NT5C3A: variants seen among roughly 807,000 people sequenced by gnomAD.
NT5C3A encodes 5'-nucleotidase, cytosolic IIIA.
A neutral mutation model predicts 40.0 loss-of-function variants in NT5C3A; 23 were observed. That is an observed-to-expected ratio of 0.58 (90% confidence interval 0.41 to 0.81). The LOEUF (loss-of-function observed/expected upper bound fraction) is 0.81, where lower values mean the gene tolerates loss of function less well. NT5C3A is among the 40% of genes least tolerant of loss of function. The pLI, the probability that NT5C3A is intolerant of heterozygous loss-of-function variation, is 0.00. For synonymous variants in NT5C3A, 130 were observed against 141.4 expected (o/e 0.92, Z 0.57); for missense variants, 328 against 403.0 (o/e 0.81, Z 1.59).
At chr7:33,053,232 A>T (rs1787442168) in intron 1 of NT5C3A, among the ~76,000 whole-genome samples, 1 of 152,034 alleles carries the variant, frequency 6.6e-6, no homozygotes, top group Non-Finnish European at 1.5e-5. Flanking sequence ...TGTTGCCCAG[A>T]GCTGGAGTGC....
chr7:33,039,206 G>A (rs1786775408), intron 1 of NT5C3A, among the ~76,000 whole-genome samples: 1 of 151,936 alleles, frequency 6.6e-6, no homozygotes, highest in Admixed American at 6.6e-5. Flanking sequence ...AAAATTGATT[G>A]GTATGTCTAC....
chr7:33,018,035 A>G (rs889128889), intron 6 of NT5C3A, among the ~76,000 whole-genome samples: 93 of 152,280 alleles, frequency 6.1e-4, no homozygotes, highest in Middle Eastern at 6.8e-3. Context: ...TTAAAAAGAG[A>G]AAACAATAGT....
chr7:33,017,528 C>G lies in NT5C3A; in HGVS notation c.604G>C (p.Gly202Arg), dbSNP rs753603329. Residue 202 changes from glycine (G) to arginine (R), a missense_variant, in exon 7 of 9, where the codon GGC becomes CGC. Physicochemically the swap from Gly to Arg is moderately radical, Grantham distance 125. Coordinates refer to ENST00000610140, the MANE Select transcript of NT5C3A (RefSeq NM_001002010.5). ...CGAATAACTTCCTCTAGTACATCGC[C>G]GATTCCAGCCGAAAATATGAACACG... ...IPVFIFSAGI[G>R]DVLEEVIRQA... 2 of 1,613,452 alleles carry G rather than the reference C, an allele frequency of 1.2e-6. No individual in the cohort carries two copies. The highest frequency in any genetic ancestry group is 2.7e-5 in the African/African-American group (2 of 74,892).
chr7:33,027,934 T>C (rs1261150918), intron 1 of NT5C3A, among the ~76,000 whole-genome samples: 1 of 152,230 alleles, frequency 6.6e-6, no homozygotes, highest in Admixed American at 6.5e-5. Flanking sequence ...CTTGCCTACA[T>C]ATTTATATTT....
intron 1 of NT5C3A, among the ~76,000 whole-genome samples, chr7:33,060,531 C>T (rs1013055101): frequency 6.6e-6 from 1 of 152,130 alleles, no homozygotes; most frequent in African/African-American, 2.4e-5. Flanking sequence ...GCATACACAA[C>T]CCACTAGCAA....
chr7:33,031,852 C>T (rs759000353), intron 1 of NT5C3A, among the ~76,000 whole-genome samples: 7 of 151,780 alleles, frequency 4.6e-5, no homozygotes, highest in African/African-American at 7.3e-5. Flanking sequence ...TGGCCGGGCA[C>T]GGTGGCTGAC....
rs570102104 is a variant in NT5C3A, at chr7:33,053,564, G to T, written c.138+9004C>A. ...TAATCCCAGCTACTTGGGAGGCTGAGGGGGGAAGACGGTTTGAGCCCAGGA... is the reference window on the plus strand; with the variant it reads ...TAATCCCAGCTACTTGGGAGGCTGATGGGGGAAGACGGTTTGAGCCCAGGA... On this transcript the variant is annotated intron_variant, in intron 1 of 8. Transcript: ENST00000610140. 2.2e-3 allele frequency among the ~76,000 whole-genome samples: 27 copies of T among 12,386 alleles called. No individual in the cohort carries two copies. The Admixed American group carries it at 0.024, about 11-fold the overall frequency. The allele number at this position is 12,386 out of a possible 152,430, so 8.1% of individuals were successfully genotyped here. A position where few individuals can be genotyped will look rare whatever the true frequency, so the allele number is the denominator to read the frequency against.
chr7:33,021,335 T>G lies in NT5C3A; in HGVS notation c.377A>C (p.Tyr126Ser). 8 of 1,611,270 alleles carry G rather than the reference T, an allele frequency of 5.0e-6. No homozygotes were observed. The highest frequency in any genetic ancestry group is 6.8e-6 in the Non-Finnish European group (8 of 1,178,148). The change falls in exon 5 of 9, where the codon TAT (tyrosine) becomes TCT (serine). Residue 126 changes from tyrosine to serine, a missense_variant. By Grantham distance (144) the Tyr-to-Ser change is moderately radical (BLOSUM62 -2). Coordinates refer to ENST00000610140, the MANE Select transcript of NT5C3A (RefSeq NM_001002010.5). Reference sequence around the variant, plus strand: ...AACAGGATCAACTTCAATAGCGTAATATTTTTCCTTTAGTTGCAATAACTA... The same window carrying G: ...AACAGGATCAACTTCAATAGCGTAAGATTTTTCCTTTAGTTGCAATAACTA... The part of the protein sequence containing the change: ...RKKLLQLKEK[Y>S]YAIEVDPVLT...
rs192956192 is a variant in NT5C3A at position 33,057,054 on chromosome 7, C to A, written c.138+5514G>T. On this transcript the variant is annotated intron_variant, in intron 1 of 8. Coordinates refer to ENST00000610140, the MANE Select transcript of NT5C3A (RefSeq NM_001002010.5). ...TCTCGAACTCCCAACCTCAGGTGAT[C>A]CGCCCGCCTTGGCCTCCCAAAGTGC... is the stretch of plus-strand genomic sequence containing the variant. Among the ~76,000 whole-genome samples the A allele has an allele frequency of 2.2e-3, 338 of 152,220 alleles. 1 individual carries two copies. Among genetic ancestry groups the A allele is most frequent in the African/African-American group, 7.8e-3 (323 of 41,544 alleles).
At chr7:33,029,513 A>G in intron 1 of NT5C3A, 1 of 486,836 alleles carries the variant, frequency 2.1e-6, no homozygotes, top group South Asian at 1.7e-5. Flanking sequence ...CAATCAGCAT[A>G]TGTTTGATTC....
intron 1 of NT5C3A, among the ~76,000 whole-genome samples, chr7:33,053,280 C>T (rs1209177568): frequency 6.6e-6 from 1 of 152,032 alleles, no homozygotes; most frequent in Non-Finnish European, 1.5e-5. Context: ...CTCTGCCTCC[C>T]GGGTTCAAGT....
chr7:33,039,158 G>A (rs1427471335), intron 1 of NT5C3A, among the ~76,000 whole-genome samples: 1 of 151,998 alleles, frequency 6.6e-6, no homozygotes, highest in African/African-American at 2.4e-5. Context: ...AGTTATCACA[G>A]TATTTCATTC....
chr7:33,034,441 T>TA (rs760901918), intron 1 of NT5C3A, among the ~76,000 whole-genome samples: 12 of 150,698 alleles, frequency 8.0e-5, no homozygotes, highest in Admixed American at 2.6e-4. Context: ...TCACGTAAGT[T>TA]AAAAAAAAAG....
At chr7:33,024,982 A>G (rs1022155210) in intron 2 of NT5C3A, among the ~76,000 whole-genome samples, 3 of 152,012 alleles carry the variant, frequency 2.0e-5, no homozygotes, top group African/African-American at 7.3e-5. Flanking sequence ...TCTACTAAAA[A>G]TACAAAAATA....
rs1412157350 is a variant in NT5C3A at position 33,024,219 on chromosome 7, T to TG, written c.238-112_238-111insC. ...CTTTCCTAGATGCATAGGACTGTGC[T>TG]CAAGTCTCTGGTCCACACTGTTAAC... On this transcript the variant is annotated intron_variant, in intron 2 of 8. Transcript: ENST00000610140. 9 of 710,048 alleles carry TG rather than the reference T, an allele frequency of 1.3e-5. No homozygotes were observed. In the African/African-American group the frequency reaches 1.4e-4, roughly 11 times the overall value. 44.0% of individuals were successfully genotyped at this position (710,048 alleles called of 1,614,324 possible).
chr7:33,041,797 G>A (rs1017294173), intron 1 of NT5C3A, among the ~76,000 whole-genome samples: 10 of 152,074 alleles, frequency 6.6e-5, no homozygotes, highest in Non-Finnish European at 1.3e-4. Flanking sequence ...TAGTAGGGTG[G>A]CAATATGCTA....
At chr7:33,024,708 TC>T (rs1326679843) in intron 2 of NT5C3A, among the ~76,000 whole-genome samples, 1 of 152,076 alleles carries the variant, frequency 6.6e-6, no homozygotes, top group African/African-American at 2.4e-5. Flanking sequence ...TTTAGAATGT[TC>T]CCAAAACAAA....
intron 1 of NT5C3A, among the ~76,000 whole-genome samples, chr7:33,044,562 G>A (rs899925130): frequency 2.6e-5 from 4 of 152,048 alleles, no homozygotes; most frequent in African/African-American, 7.3e-5. Context: ...CACTCCTAGC[G>A]GCAAACTCTG....
At chr7:33,014,913 T>A in intron 8 of NT5C3A, 82 bp from the exon 9 acceptor site, 1 of 1,182,018 alleles carries the variant, frequency 8.5e-7, no homozygotes, top group Non-Finnish European at 1.2e-6. Flanking sequence ...TTGTTAGATC[T>A]CTTGGGCAAA....
Sources: allele counts gnomAD v4.1 joint callset (sites outside exome capture counted in the v4.1 genomes callset), GRCh38; gene constraint gnomAD v4.1.1; transcripts MANE v1.5; gene names NCBI Gene and HGNC (gene_info 2026-07-23, HGNC 2026-07-21).